Variants in ARID4B observed in about 807,000 individuals in gnomAD.
The protein encoded by ARID4B is AT-rich interaction domain 4B.
ARID4B carries 26 observed loss-of-function variants against 147.5 expected under a neutral mutation model. That is an observed-to-expected ratio of 0.18 (90% CI 0.13 to 0.24). The LOEUF (loss-of-function observed/expected upper bound fraction) is 0.24. Ranked by LOEUF, ARID4B falls within the 10% of genes least tolerant of loss-of-function variation. The pLI, the probability that ARID4B is intolerant of heterozygous loss-of-function variation, is 1.00. For synonymous variants in ARID4B, 512 were observed against 507.9 expected (o/e 1.01, Z -0.11); for missense variants, 1,179 against 1,511.5 (o/e 0.78, Z 3.65).
At chr1:235,231,917 G>C (rs752516899) in intron 9 of ARID4B, among the ~76,000 whole-genome samples, 1 of 152,156 alleles carries the variant, frequency 6.6e-6, no homozygotes, top group Non-Finnish European at 1.5e-5. Flanking sequence ...GACCAGGATA[G>C]GTAATATAGC....
intron 23 of ARID4B, among the ~76,000 whole-genome samples, chr1:235,171,062 A>G (rs1663320660): frequency 6.6e-6 from 1 of 152,124 alleles, no homozygotes; most frequent in East Asian, 1.9e-4. Context: ...ATTCTACTAT[A>G]TTACAACTCA....
chr1:235,173,645 C>T (rs1474345653), intron 22 of ARID4B, among the ~76,000 whole-genome samples: 1 of 144,738 alleles, frequency 6.9e-6, no homozygotes, highest in Non-Finnish European at 1.5e-5. Context: ...ACCTGTAATC[C>T]TAGCACTTTG....
rs1310897635 is a variant in ARID4B at position 235,309,276 on chromosome 1, C to T, written c.6+17638G>A. ...CTGAGAAGTGAGGAGCCCCTCCGCC[C>T]GGCAGCCGCCCCATCTGAGAAGTGA... On this transcript the variant is annotated intron_variant, in intron 2 of 23. Transcript: ENST00000264183. 1.8e-4 allele frequency among the ~76,000 whole-genome samples: 15 copies of T among 82,710 alleles called. No individual in the cohort carries two copies. In the South Asian group the frequency reaches 4.6e-3, roughly 25 times the overall value. 54.3% of individuals were successfully genotyped at this position (82,710 alleles called of 152,430 possible).
In ARID4B at chr1:235,242,732, T is replaced by C. The variant is rs573377766; in HGVS notation, c.447-2281A>G. The stretch of plus-strand genomic sequence containing the variant: ...AGTGTTAAGACTTCAGATTTCACAG[T>C]ATATCAAAAAGAAAAACAAAACACC... On this transcript the variant is annotated intron_variant, in intron 7 of 23. Coordinates refer to ENST00000264183, the MANE Select transcript of ARID4B (RefSeq NM_016374.6). Among the ~76,000 whole-genome samples, 3 of 152,298 alleles carry C rather than the reference T, an allele frequency of 2.0e-5. No individual in the cohort carries two copies. In the East Asian group the frequency reaches 5.8e-4, roughly 29 times the overall value.
intron 2 of ARID4B, among the ~76,000 whole-genome samples, chr1:235,266,135 C>A (rs899701032): frequency 6.6e-6 from 1 of 152,096 alleles, no homozygotes; most frequent in African/African-American, 2.4e-5. Flanking sequence ...AATCTTAAAT[C>A]TTTGTGGGGA....
chr1:235,182,021 C>T lies in ARID4B; in HGVS notation c.2898G>A (p.Glu966=), dbSNP rs1664346860. The T allele has an allele frequency of 1.2e-6, 2 of 1,614,048 alleles. No homozygotes were observed. The highest frequency in any genetic ancestry group is 1.7e-6 in the Non-Finnish European group (2 of 1,180,046). The change falls in exon 20 of 24, where the codon GAG becomes GAA. Residue 966 remains glutamate, a synonymous_variant. Transcript: ENST00000264183. ...PHPAPEEGVA[E]ESLQTVAEEE... is the part of the protein sequence containing the mutation. ...CTTCAGCCACAGTCTGCAGTGACTC[C>T]TCTGCCACCCCCTCCTCTGGGGCAG... is the stretch of plus-strand genomic sequence containing the variant.
chr1:235,251,200 C>T (rs1473879282), intron 6 of ARID4B, among the ~76,000 whole-genome samples: 1 of 145,958 alleles, frequency 6.9e-6, no homozygotes, highest in Admixed American at 7.1e-5. Flanking sequence ...TAAAATCTTA[C>T]AGCAAAAATG....
chr1:235,326,907 A>T lies in ARID4B; in HGVS notation c.6+7T>A. On this transcript the variant is annotated splice_region_variant and intron_variant, in intron 2 of 23. Coordinates refer to ENST00000264183, the MANE Select transcript of ARID4B (RefSeq NM_016374.6). ...CCCAGAGATTCGTTTTCCGCAGGCAATCTTACCTTCATGATGACTCTGGGA... is the reference window on the plus strand; with the variant it reads ...CCCAGAGATTCGTTTTCCGCAGGCATTCTTACCTTCATGATGACTCTGGGA... 6.2e-7 allele frequency: 1 copy of T among 1,613,908 alleles called. No individual in the cohort carries two copies. The highest frequency in any genetic ancestry group is 8.5e-7 in the Non-Finnish European group (1 of 1,179,850).
chr1:235,191,361 G>A (rs2102951119), intron 19 of ARID4B, among the ~76,000 whole-genome samples: 1 of 151,890 alleles, frequency 6.6e-6, no homozygotes, highest in South Asian at 2.1e-4. Context: ...CGATTCTCCT[G>A]CCTCAGCCTC....
chr1:235,210,091 G>A (rs1465590650), intron 17 of ARID4B, among the ~76,000 whole-genome samples: 1 of 151,986 alleles, frequency 6.6e-6, no homozygotes, highest in African/African-American at 2.4e-5. Context: ...GCCAGGTGTG[G>A]TGATGCACAC....
At chr1:235,218,920 C>T (rs1667265867) in intron 16 of ARID4B, among the ~76,000 whole-genome samples, 1 of 142,818 alleles carries the variant, frequency 7.0e-6, no homozygotes, top group Non-Finnish European at 1.5e-5. Flanking sequence ...AGCTGGCCTA[C>T]AGTGGTACGA....
intron 2 of ARID4B, among the ~76,000 whole-genome samples, chr1:235,276,624 T>C (rs1484680169): frequency 6.6e-6 from 1 of 152,026 alleles, no homozygotes; most frequent in Non-Finnish European, 1.5e-5. Context: ...ATCACACCAC[T>C]GCACTCCAGT....
In ARID4B at chr1:235,267,382, C is replaced by T. The variant is rs535884628; in HGVS notation, c.7-6630G>A. Among the ~76,000 whole-genome samples, 6 of 152,242 alleles carry T rather than the reference C, an allele frequency of 3.9e-5. No homozygotes were observed. In the South Asian group the frequency reaches 1.2e-3, roughly 32 times the overall value. On this transcript the variant is annotated intron_variant, in intron 2 of 23. Coordinates refer to ENST00000264183, the MANE Select transcript of ARID4B (RefSeq NM_016374.6). ...AACAGCCTATTTTATATATAGCAATCCCAATGAACTATTAAAATAATGGAG... is the reference window on the plus strand; with the variant it reads ...AACAGCCTATTTTATATATAGCAATTCCAATGAACTATTAAAATAATGGAG...
intron 2 of ARID4B, among the ~76,000 whole-genome samples, chr1:235,307,787 C>A (rs1394717060): frequency 6.6e-6 from 1 of 152,170 alleles, no homozygotes; most frequent in Non-Finnish European, 1.5e-5. Flanking sequence ...AATATTAACT[C>A]TTCAAAGCTT....
intron 2 of ARID4B, among the ~76,000 whole-genome samples, chr1:235,322,574 A>G (rs926602453): frequency 1.3e-5 from 2 of 152,152 alleles, no homozygotes; most frequent in African/African-American, 4.8e-5. Flanking sequence ...TAGCTCTCTG[A>G]TTTAGCTGTC....
At chr1:235,182,856 G>A in intron 19 of ARID4B, 63 bp from the exon 20 acceptor site, 1 of 1,481,788 alleles carries the variant, frequency 6.7e-7, no homozygotes, top group South Asian at 1.3e-5. Flanking sequence ...TCTTCTATGT[G>A]CCAGGGACTG....
intron 12 of ARID4B, 27 bp downstream of exon 12, chr1:235,224,676 C>G: frequency 2.7e-6 from 4 of 1,459,854 alleles, no homozygotes; most frequent in African/African-American, 1.4e-5. Flanking sequence ...AAACTTACCA[C>G]GTTAATGATA....
rs367684226 is a variant in ARID4B at position 235,175,173 on chromosome 1, A to T, written c.3664+11T>A. 6.2e-7 allele frequency: 1 copy of T among 1,604,748 alleles called. No homozygotes were observed. The highest frequency in any genetic ancestry group is 8.5e-7 in the Non-Finnish European group (1 of 1,171,890). ...AAGTTTGTATGCTTGTCAATTTAAC[A>T]TGTCACTTACACATCTGAAAACTCC... On this transcript the variant is annotated intron_variant, in intron 22 of 23. Transcript: ENST00000264183.
At position 235,252,749 on chromosome 1, in the gene ARID4B, CT is replaced by C; in HGVS notation, c.334del (p.Arg112GlyfsTer9). On this transcript the variant is annotated frameshift_variant, in exon 6 of 24. Coordinates refer to ENST00000264183, the MANE Select transcript of ARID4B (RefSeq NM_016374.6). LOFTEE classifies it high-confidence loss of function. ...ACTTACTTCACTTTCAGCAAAATGC[CT>C]CTCTCCTTTCAGGCACAGTGAAGAT... ...RRSSLCLKGE[R>X]HFAESETLDQ... is the part of the protein sequence containing the mutation. 6.2e-7 allele frequency: 1 copy of C among 1,610,838 alleles called. No individual in the cohort carries two copies. The highest frequency in any genetic ancestry group is 8.5e-7 in the Non-Finnish European group (1 of 1,178,316).
Sources: gnomAD v4.1 joint callset for allele counts (sites outside exome capture counted in the v4.1 genomes callset) on GRCh38, gnomAD v4.1.1 for gene constraint, MANE v1.5 for transcripts, NCBI Gene and HGNC (gene_info 2026-07-23, HGNC 2026-07-21) for gene names.